Variants in CNTN5 observed in about 807,000 individuals in gnomAD.
CNTN5 encodes contactin 5.
In CNTN5, 77 loss-of-function variants were observed where a neutral mutation model predicts 129.1. The observed-to-expected ratio is 0.60, with a 90% CI of 0.50 to 0.72. CNTN5 has a LOEUF of 0.72. CNTN5 is among the 30% of genes least tolerant of loss of function. CNTN5 has a pLI of 0.00. For missense variants in CNTN5, 1,478 were observed against 1,328.8 expected, an observed-to-expected ratio of 1.11 and a Z score of -1.75; for synonymous variants, 509 against 465.6, an observed-to-expected ratio of 1.09 and a Z score of -1.20.
At chr11:99,773,394 T>C (rs1945010018) in intron 3 of CNTN5, among the ~76,000 whole-genome samples, 1 of 152,136 alleles carries the variant, frequency 6.6e-6, no homozygotes, top group South Asian at 2.1e-4. Flanking sequence ...AAGATCTTGT[T>C]CATATTTTTG....
intron 2 of CNTN5, among the ~76,000 whole-genome samples, chr11:99,528,434 A>C (rs554083913): frequency 6.6e-6 from 1 of 152,222 alleles, no homozygotes; most frequent in Non-Finnish European, 1.5e-5. Flanking sequence ...AGTTAGTGTG[A>C]GCACCAAGCT....
intron 2 of CNTN5, among the ~76,000 whole-genome samples, chr11:99,345,136 A>C (rs1182557494): frequency 6.6e-6 from 1 of 152,192 alleles, no homozygotes; most frequent in African/African-American, 2.4e-5. Context: ...ACTCCTGTAA[A>C]GCAAGCATAT....
At chr11:100,252,932 T>G (rs1949997553) in intron 16 of CNTN5, among the ~76,000 whole-genome samples, 1 of 152,176 alleles carries the variant, frequency 6.6e-6, no homozygotes, top group Admixed American at 6.6e-5. Context: ...ACACAGTCAT[T>G]TCTACCATTG....
intron 13 of CNTN5, among the ~76,000 whole-genome samples, chr11:100,138,872 G>A (rs1353605125): frequency 2.0e-5 from 3 of 152,092 alleles, no homozygotes; most frequent in Non-Finnish European, 4.4e-5. Flanking sequence ...AGAAATAAGG[G>A]TGGCTTGAAC....
intron 2 of CNTN5, among the ~76,000 whole-genome samples, chr11:99,404,782 G>T (rs1320665852): frequency 6.6e-6 from 1 of 152,146 alleles, no homozygotes; most frequent in African/African-American, 2.4e-5. Flanking sequence ...GTGTTCTGTG[G>T]TTTTTTGAGA....
At chr11:100,338,031 T>C (rs745528135) in intron 21 of CNTN5, among the ~76,000 whole-genome samples, 9 of 152,178 alleles carry the variant, frequency 5.9e-5, no homozygotes, top group African/African-American at 2.2e-4. Flanking sequence ...TACCTACCAA[T>C]AACACGCTCC....
At chr11:99,311,354 G>A (rs1865108141) in intron 1 of CNTN5, among the ~76,000 whole-genome samples, 1 of 152,084 alleles carries the variant, frequency 6.6e-6, no homozygotes, top group African/African-American at 2.4e-5. Context: ...TATATAAGGG[G>A]TTATTGTTCT....
At chr11:100,169,833 T>TGCTC (rs1947770467) in intron 13 of CNTN5, among the ~76,000 whole-genome samples, 1 of 152,014 alleles carries the variant, frequency 6.6e-6, no homozygotes, top group African/African-American at 2.4e-5. Context: ...CAAATGTCTA[T>TGCTC]GCTCATATCT....
Position 99,957,001 on chromosome 11 carries a change from G to A in CNTN5, c.869G>A (p.Arg290His), listed in dbSNP as rs773856381. 11 of 1,613,074 alleles carry A rather than the reference G, an allele frequency of 6.8e-6. No homozygotes were observed. The highest frequency in any genetic ancestry group is 3.3e-5 in the Admixed American group (2 of 59,914). ...AGTCCTCCAACGCCACTCACTCTGC[G>A]TAATGATGGTAAGTTGCTTGGCCCG... Reference protein sequence around the residue: ...VLSPPTPLTLRNDGVMGEYEP... With the variant: ...VLSPPTPLTLHNDGVMGEYEP... Residue 290 changes from arginine (R) to histidine (H), a missense_variant, in exon 8 of 25, where the codon CGT becomes CAT. Transcript: ENST00000524871.
At chr11:99,491,537 G>A (rs1946036791) in intron 2 of CNTN5, among the ~76,000 whole-genome samples, 1 of 152,064 alleles carries the variant, frequency 6.6e-6, no homozygotes, top group South Asian at 2.1e-4. Context: ...GACAGTTAAG[G>A]TAGGAGGGAC....
intron 1 of CNTN5, among the ~76,000 whole-genome samples, chr11:99,204,482 A>G (rs933226742): frequency 3.3e-5 from 5 of 152,134 alleles, no homozygotes; most frequent in African/African-American, 1.2e-4. Flanking sequence ...CCTCCTCCCT[A>G]TTGCAGAATT....
intron 11 of CNTN5, 150 bp from the exon 12 acceptor site, chr11:100,071,555 A>G (rs1943924405): frequency 2.3e-6 from 1 of 430,636 alleles, no homozygotes; most frequent in Non-Finnish European, 4.0e-6. Flanking sequence ...ATAATAAAAT[A>G]ATGAACAGTA....
chr11:99,573,761 T>G (rs148324247), intron 3 of CNTN5, among the ~76,000 whole-genome samples: 1 of 151,852 alleles, frequency 6.6e-6, no homozygotes, highest in African/African-American at 2.4e-5. Flanking sequence ...CATTTCCTTT[T>G]TTGTCTTCTT....
At chr11:100,249,736 C>A in intron 16 of CNTN5, among the ~76,000 whole-genome samples, 1 of 152,058 alleles carries the variant, frequency 6.6e-6, no homozygotes, top group East Asian at 1.9e-4. Context: ...CCTTTCCTCC[C>A]TGATTTATTT....
intron 13 of CNTN5, among the ~76,000 whole-genome samples, chr11:100,177,734 T>C (rs751860858): frequency 6.6e-6 from 1 of 152,166 alleles, no homozygotes; most frequent in Non-Finnish European, 1.5e-5. Context: ...AGCCGACATA[T>C]ACGTAGAGTT....
At chr11:99,441,388 TA>T (rs964818398) in intron 2 of CNTN5, among the ~76,000 whole-genome samples, 27 of 152,210 alleles carry the variant, frequency 1.8e-4, no homozygotes, top group Admixed American at 6.5e-4. Flanking sequence ...TCCTCTGCCC[TA>T]ATTTTTGTCT....
intron 1 of CNTN5, among the ~76,000 whole-genome samples, chr11:99,113,746 A>T (rs1175087527): frequency 6.6e-6 from 1 of 152,130 alleles, no homozygotes; most frequent in East Asian, 1.9e-4. Flanking sequence ...AGTCAAAGGT[A>T]TGTAGCATGG....
At chr11:99,710,565 G>A (rs1348804902) in intron 3 of CNTN5, among the ~76,000 whole-genome samples, 3 of 98,798 alleles carry the variant, frequency 3.0e-5, no homozygotes, top group South Asian at 3.3e-4. Flanking sequence ...GTGTGTGTGT[G>A]CATGTGTGTG....
At chr11:99,522,108 A>C (rs1327979703) in intron 2 of CNTN5, among the ~76,000 whole-genome samples, 1 of 152,144 alleles carries the variant, frequency 6.6e-6, no homozygotes, top group Non-Finnish European at 1.5e-5. Flanking sequence ...GAGGAGGTTT[A>C]TTTTCTTTTT....
Sources: gnomAD v4.1 joint callset for allele counts (sites outside exome capture counted in the v4.1 genomes callset) on GRCh38, gnomAD v4.1.1 for gene constraint, MANE v1.5 for transcripts, NCBI Gene and HGNC (gene_info 2026-07-23, HGNC 2026-07-21) for gene names.